Variants in JAM2 observed in about 807,000 individuals in gnomAD.
The protein encoded by JAM2 is junctional adhesion molecule 2, also known as junctional adhesion molecule B.
Under a neutral mutation model 42.0 loss-of-function variants are expected in JAM2, and 17 were observed. The ratio of observed to expected loss-of-function variants is 0.40; its 90% CI spans 0.28 to 0.61. JAM2 has a LOEUF of 0.61. JAM2 is among the 20% of genes least tolerant of loss of function. The probability of loss-of-function intolerance (pLI) is 0.37; values close to 1 mark genes in which losing one functional copy is unlikely to be tolerated. For synonymous variants in JAM2, 118 were observed against 128.6 expected, an observed-to-expected ratio of 0.92 and a Z score of 0.56; for missense variants, 319 against 358.3, an observed-to-expected ratio of 0.89 and a Z score of 0.89.
chr21:25,701,656 A>G (rs2034168264), intron 5 of JAM2, among the ~76,000 whole-genome samples: 1 of 152,262 alleles, frequency 6.6e-6, no homozygotes, highest in African/African-American at 2.4e-5. Flanking sequence ...CGACAATCCT[A>G]TAAACCGATA....
intron 5 of JAM2, among the ~76,000 whole-genome samples, chr21:25,699,822 G>A (rs2034129105): frequency 6.6e-6 from 1 of 151,294 alleles, no homozygotes; most frequent in South Asian, 2.1e-4. Context: ...TGATGAATCA[G>A]GCAGTTATCT....
chr21:25,691,170 T>C (rs75254583), intron 3 of JAM2, among the ~76,000 whole-genome samples: 3,356 of 152,364 alleles, frequency 0.022, 129 homozygotes, highest in African/African-American at 0.076. Flanking sequence ...TATGTATTTC[T>C]TTAATGTTAA....
intron 6 of JAM2, among the ~76,000 whole-genome samples, chr21:25,702,590 T>TG (rs1247658002): frequency 6.6e-6 from 1 of 152,206 alleles, no homozygotes; most frequent in Non-Finnish European, 1.5e-5. Flanking sequence ...TCTAAATTGT[T>TG]GAAGGTCCAG....
In JAM2 at chr21:25,713,820, T is replaced by A. The variant is rs574154937; in HGVS notation, c.865-820T>A. 4.1e-4 allele frequency among the ~76,000 whole-genome samples: 62 copies of A among 152,202 alleles called. 1 individual carries two copies. The highest frequency in any genetic ancestry group is 1.9e-4 in the Non-Finnish European group (13 of 68,034). ...ACTCTTGGAGTGTGGAATCGAATAC[T>A]CCCATCCCTCCAAACAGTATGAAGC... On this transcript the variant is annotated intron_variant, in intron 9 of 9. Transcript: ENST00000480456.
chr21:25,691,357 AC>A (rs772119744), intron 3 of JAM2, among the ~76,000 whole-genome samples: 3 of 152,180 alleles, frequency 2.0e-5, no homozygotes, highest in African/African-American at 7.2e-5. Flanking sequence ...ATTTTATGCA[AC>A]ACTATTTATT....
Position 25,714,748 on chromosome 21 carries a change from C to A in JAM2, c.*76C>A. On this transcript the variant is annotated 3_prime_UTR_variant, in exon 10 of 10. Transcript: ENST00000480456. ...AAACTATTATAAAACTCTGCTTTGTCCGACATTTGCAAAGAGGTACACGAG... is the reference window on the plus strand; with the variant it reads ...AAACTATTATAAAACTCTGCTTTGTACGACATTTGCAAAGAGGTACACGAG... The A allele has an allele frequency of 1.0e-6, 1 of 972,140 alleles. No homozygotes were observed. The highest frequency in any genetic ancestry group is 1.5e-6 in the Non-Finnish European group (1 of 673,242). The allele number at this position is 972,140 out of a possible 1,614,324, so 60.2% of individuals were successfully genotyped here. A position where few individuals can be genotyped will look rare whatever the true frequency, so the allele number is the denominator to read the frequency against.
chr21:25,655,348 C>G (rs1401861885), intron 1 of JAM2, among the ~76,000 whole-genome samples: 1 of 78,942 alleles, frequency 1.3e-5, no homozygotes, highest in East Asian at 5.1e-4. Context: ...TACTGAAATT[C>G]TATTTTTTTT....
chr21:25,674,859 C>T (rs1162912807), intron 1 of JAM2, among the ~76,000 whole-genome samples: 1 of 151,782 alleles, frequency 6.6e-6, no homozygotes, highest in Non-Finnish European at 1.5e-5. Flanking sequence ...GGGTTACTTT[C>T]TATTAATATA....
At chr21:25,714,241 T>TCC (rs1180252428) in intron 9 of JAM2, 1 of 1,299,550 alleles carries the variant, frequency 7.7e-7, no homozygotes, top group South Asian at 1.2e-5. Context: ...GTGCAGTGGC[T>TCC]CACGCCTGTA....
At chr21:25,702,601 A>G (rs2034190454) in intron 6 of JAM2, among the ~76,000 whole-genome samples, 2 of 152,186 alleles carry the variant, frequency 1.3e-5, no homozygotes, top group African/African-American at 4.8e-5. Flanking sequence ...GAAGGTCCAG[A>G]AGTTTGAATT....
chr21:25,687,723 T>C (rs950984700), intron 2 of JAM2, among the ~76,000 whole-genome samples: 1 of 152,230 alleles, frequency 6.6e-6, no homozygotes, highest in Non-Finnish European at 1.5e-5. Flanking sequence ...GCACTGGCTC[T>C]TTCCTTGCTT....
chr21:25,642,564 T>C (rs980814805), intron 1 of JAM2, among the ~76,000 whole-genome samples: 45 of 152,234 alleles, frequency 3.0e-4, no homozygotes, highest in Non-Finnish European at 4.7e-4. Context: ...GCATTCTTTA[T>C]ATCTTTCTTA....
rs2034180514 is a variant in JAM2, at chr21:25,702,217, AGCCCGC to A, written c.646_651del (p.Ala216_Arg217del). The A allele has an allele frequency of 6.3e-7, 1 of 1,599,540 alleles. No individual in the cohort carries two copies. The highest frequency in any genetic ancestry group is 1.3e-5 in the African/African-American group (1 of 74,808). ...TGGACACTGGAGAATATTCCTGTGA[AGCCCGC>A]AATTCTGTTGGATATCGCAGGTGTC... On this transcript the variant is annotated inframe_deletion, in exon 6 of 10. Coordinates refer to ENST00000480456, the MANE Select transcript of JAM2 (RefSeq NM_021219.4).
In JAM2 at chr21:25,698,683, C is replaced by T. The variant is rs749679149; in HGVS notation, c.401C>T (p.Pro134Leu). The T allele has an allele frequency of 6.2e-7, 1 of 1,613,450 alleles. No homozygotes were observed. Among genetic ancestry groups the T allele is most frequent in the East Asian group, 2.2e-5 (1 of 44,874 alleles). The change falls in exon 5 of 10, where the codon CCA (proline) becomes CTA (leucine). Residue 134 changes from proline to leucine, a missense_variant. Physicochemically the swap from Pro to Leu is moderately conservative, Grantham distance 98. Transcript: ENST00000480456. ...TTTGACTTCCATTGTTCAGTGGCTC[C>T]AGCAGTTCCATCATGTGAAGTACCC... is the stretch of plus-strand genomic sequence containing the variant. Reference protein sequence around the residue: ...DTVTLEVLVAPAVPSCEVPSS... With the variant: ...DTVTLEVLVALAVPSCEVPSS...
At chr21:25,697,650 C>A (rs944782452) in intron 4 of JAM2, among the ~76,000 whole-genome samples, 4 of 152,056 alleles carry the variant, frequency 2.6e-5, no homozygotes, top group Non-Finnish European at 5.9e-5. Context: ...GCCTATAATC[C>A]CAGCACTGTG....
chr21:25,671,790 T>C (rs1400529147), intron 1 of JAM2, among the ~76,000 whole-genome samples: 1 of 152,248 alleles, frequency 6.6e-6, no homozygotes, highest in East Asian at 1.9e-4. Context: ...ATTACAGGCA[T>C]GAGCCACTGC....
intron 1 of JAM2, 63 bp downstream of exon 1, chr21:25,639,951 C>A (rs372253933): frequency 1.7e-6 from 2 of 1,199,638 alleles, no homozygotes; most frequent in Non-Finnish European, 1.2e-6. Context: ...CCTCCAGCCC[C>A]CCACGGGGCG....
intron 1 of JAM2, among the ~76,000 whole-genome samples, chr21:25,658,056 A>G (rs978421784): frequency 1.3e-5 from 2 of 152,228 alleles, no homozygotes; most frequent in African/African-American, 4.8e-5. Flanking sequence ...GGAGATAAAC[A>G]ATAATTTTGC....
At chr21:25,714,479 C>A in intron 9 of JAM2, 161 bp from the exon 10 acceptor site, 2 of 567,716 alleles carry the variant, frequency 3.5e-6, no homozygotes, top group Non-Finnish European at 5.7e-6. Flanking sequence ...GCCTGGGTAA[C>A]AGAGCAAGAT....
Sources: allele counts gnomAD v4.1 joint callset (sites outside exome capture counted in the v4.1 genomes callset), GRCh38; gene constraint gnomAD v4.1.1; transcripts MANE v1.5; gene names NCBI Gene and HGNC (gene_info 2026-07-23, HGNC 2026-07-21).